The following GCLC variants were observed in gnomAD, a reference collection of about 807,000 sequenced individuals.
The protein encoded by GCLC is glutamate-cysteine ligase catalytic subunit.
In GCLC, 30 loss-of-function variants were observed where a neutral mutation model predicts 81.5. The ratio of observed to expected loss-of-function variants is 0.37; its 90% CI spans 0.28 to 0.50. The LOEUF (loss-of-function observed/expected upper bound fraction) is 0.50. GCLC is among the 20% of genes least tolerant of loss of function. GCLC has a pLI of 0.96. For missense variants in GCLC, 556 were observed against 777.4 expected (o/e 0.72, Z 3.39); for synonymous variants, 262 against 273.3 (o/e 0.96, Z 0.41).
intron 3 of GCLC, among the ~76,000 whole-genome samples, chr6:53,519,263 T>C (rs1261921659): frequency 6.6e-6 from 1 of 152,046 alleles, no homozygotes; most frequent in Non-Finnish European, 1.5e-5. Flanking sequence ...CTCAGCCTCC[T>C]AGTCACACTG....
chr6:53,515,854 G>A (rs761686907), intron 4 of GCLC, among the ~76,000 whole-genome samples: 38 of 151,990 alleles, frequency 2.5e-4, no homozygotes, highest in Non-Finnish European at 5.1e-4. Flanking sequence ...AGAGTTATTC[G>A]CAGTGGCTCA....
At chr6:53,512,769 T>G (rs1291064280) in intron 6 of GCLC, among the ~76,000 whole-genome samples, 1 of 152,230 alleles carries the variant, frequency 6.6e-6, no homozygotes, top group African/African-American at 2.4e-5. Context: ...ATACAGTGTT[T>G]CAGTGGAAAG....
chr6:53,528,652 T>A (rs1469045699), intron 1 of GCLC, among the ~76,000 whole-genome samples: 4 of 152,192 alleles, frequency 2.6e-5, no homozygotes, highest in Non-Finnish European at 5.9e-5. Flanking sequence ...ACTAAAGAAT[T>A]TCACATGATA....
intron 15 of GCLC, among the ~76,000 whole-genome samples, chr6:53,499,207 G>A (rs1181266915): frequency 6.6e-6 from 1 of 152,144 alleles, no homozygotes; most frequent in Non-Finnish European, 1.5e-5. Flanking sequence ...TATGGTACCT[G>A]TTAGATGCCA....
chr6:53,506,722 A>G lies in GCLC; in HGVS notation c.1197+191T>C. 1 of 578,832 alleles carries G rather than the reference A, an allele frequency of 1.7e-6. No homozygotes were observed. Among genetic ancestry groups the G allele is most frequent in the Non-Finnish European group, 3.1e-6 (1 of 323,106 alleles). 35.9% of individuals were successfully genotyped at this position (578,832 alleles called of 1,614,324 possible). A position where few individuals can be genotyped will look rare whatever the true frequency, so the allele number is the denominator to read the frequency against. ...CGTAAAATAAGAGTACTTGAAACCG[A>G]TTTTTTATTTGTCCAAGTTCTTTAC... is the stretch of plus-strand genomic sequence containing the variant. On this transcript the variant is annotated intron_variant, in intron 10 of 15. Transcript: ENST00000650454. The surrounding 1 kb of genome is among the most constrained non-coding windows in gnomAD (Gnocchi z 4.0).
chr6:53,508,893 C>G (rs1463075478), intron 7 of GCLC, among the ~76,000 whole-genome samples, 182 bp from the exon 8 acceptor site: 1 of 152,186 alleles, frequency 6.6e-6, no homozygotes, highest in Non-Finnish European at 1.5e-5. Context: ...GGGTTTGATT[C>G]ACTTAAATCA....
chr6:53,532,858 G>A (rs1763196188), intron 1 of GCLC, among the ~76,000 whole-genome samples: 1 of 152,142 alleles, frequency 6.6e-6, no homozygotes, highest in South Asian at 2.1e-4. Flanking sequence ...GTAGTATTGT[G>A]TGGAAATAAG....
At chr6:53,518,767 C>G (rs1268842875) in intron 3 of GCLC, among the ~76,000 whole-genome samples, 1 of 152,182 alleles carries the variant, frequency 6.6e-6, no homozygotes, top group African/African-American at 2.4e-5. Flanking sequence ...ATGTACAACC[C>G]TCTTAATGTT....
chr6:53,524,744 T>C (rs557828322), intron 1 of GCLC, among the ~76,000 whole-genome samples: 1 of 152,352 alleles, frequency 6.6e-6, no homozygotes, highest in African/African-American at 2.4e-5. Flanking sequence ...GCTTACTGAG[T>C]GCATCATTTA....
chr6:53,535,820 T>A (rs1156599298), intron 1 of GCLC, among the ~76,000 whole-genome samples: 2 of 152,180 alleles, frequency 1.3e-5, no homozygotes, highest in East Asian at 3.8e-4. Flanking sequence ...CATACCGGTG[T>A]TAACAAGAAT....
chr6:53,522,435 C>A lies in GCLC; in HGVS notation c.243G>T (p.Lys81Asn). 6.2e-7 allele frequency: 1 copy of A among 1,607,148 alleles called. No individual in the cohort carries two copies. The highest frequency in any genetic ancestry group is 8.5e-7 in the Non-Finnish European group (1 of 1,173,594). ...CTTACTTTGGGTTTGTCCTTTCCCC[C>A]TTCTCTTGCAGAGTTTCAAGAACTT... Reference protein sequence around the residue: ...GEKVLETLQEKGERTNPNHPT... With the variant: ...GEKVLETLQENGERTNPNHPT... The change falls in exon 2 of 16, where the codon AAG becomes AAT. Residue 81 changes from lysine (K) to asparagine (N), a missense_variant. This residue lies in a region of GCLC where 234 missense variants were observed against 303.8 expected (regional missense o/e 0.77). Coordinates refer to ENST00000650454, the MANE Select transcript of GCLC (RefSeq NM_001498.4).
chr6:53,541,625 G>A (rs573089018), intron 1 of GCLC, among the ~76,000 whole-genome samples: 1 of 152,082 alleles, frequency 6.6e-6, no homozygotes, highest in South Asian at 2.1e-4. Flanking sequence ...GGGGCGGTGG[G>A]GGAACAAAGG....
intron 2 of GCLC, 58 bp downstream of exon 2, chr6:53,522,357 C>G: frequency 1.0e-6 from 1 of 998,218 alleles, no homozygotes; most frequent in East Asian, 2.4e-5. Flanking sequence ...AGAAAAAACT[C>G]TATATTCTAG....
rs549238138 is a variant in GCLC at position 53,508,674 on chromosome 6, T to C, written c.866A>G (p.Tyr289Cys). 30 of 1,613,636 alleles carry C rather than the reference T, an allele frequency of 1.9e-5. No individual in the cohort carries two copies. In the African/African-American group the frequency reaches 1.9e-4, roughly 10 times the overall value. ...CCAGCGACAATCAATGTCTGACACA[T>C]AGCCTCGGTAAAAGGGAGATGCAGC... is the stretch of plus-strand genomic sequence containing the variant. ...LSAASPFYRG[Y>C]VSDIDCRWGV... is the part of the protein sequence containing the mutation. The change falls in exon 8 of 16, where the codon TAT (tyrosine) becomes TGT (cysteine). Residue 289 changes from tyrosine to cysteine, a missense_variant. Physicochemically the swap from Tyr to Cys is radical, Grantham distance 194 (BLOSUM62 -2). Coordinates refer to ENST00000650454, the MANE Select transcript of GCLC (RefSeq NM_001498.4).
Position 53,544,669 on chromosome 6 carries a change from CCT to C in GCLC, c.-26_-25del. The stretch of plus-strand genomic sequence containing the variant: ...ATGGCCGCCCCCTCCTCCTCCTCCT[CCT>C]CCTCCGGGCTGACGGCGGTCGCCCG... On this transcript the variant is annotated 5_prime_UTR_variant, in exon 1 of 16. Transcript: ENST00000650454. 1 of 1,580,434 alleles carries C rather than the reference CCT, an allele frequency of 6.3e-7. No homozygotes were observed. The highest frequency in any genetic ancestry group is 1.1e-5 in the South Asian group (1 of 89,396).
intron 4 of GCLC, 91 bp downstream of exon 4, chr6:53,516,018 T>C (rs539505809): frequency 3.7e-6 from 3 of 811,962 alleles, no homozygotes; most frequent in Admixed American, 1.9e-5. Context: ...CAGTTAATGC[T>C]CAAAAAGGAT....
Position 53,544,982 on chromosome 6 carries a change from G to GCCGCGGCGGCTC in GCLC, c.-349_-338dup, listed in dbSNP as rs1744402363. 1.1e-5 allele frequency: 2 copies of GCCGCGGCGGCTC among 189,948 alleles called. No individual in the cohort carries two copies. Among genetic ancestry groups the GCCGCGGCGGCTC allele is most frequent in the South Asian group, 3.6e-4 (2 of 5,550 alleles). 11.8% of individuals were successfully genotyped at this position (189,948 alleles called of 1,614,324 possible). ...CGGCGGCGGACCCCACGGCCGCGCT[G>GCCGCGGCGGCTC]CCGCGGCGGCTCCCGCTTCTCTTTG... On this transcript the variant is annotated 5_prime_UTR_variant, in exon 1 of 16. Transcript: ENST00000650454.
chr6:53,498,977 A>AG lies in GCLC; in HGVS notation c.1703-11dup, dbSNP rs778390891. On this transcript the variant is annotated splice_polypyrimidine_tract_variant and intron_variant, in intron 15 of 15. Coordinates refer to ENST00000650454, the MANE Select transcript of GCLC (RefSeq NM_001498.4). ...ACTGTCATTAGTTCTCCTGTGGGCG[A>AG]GGGGGGAGCGAAAAAAAAATTAAAA... 5 of 1,586,874 alleles carry AG rather than the reference A, an allele frequency of 3.2e-6. No individual in the cohort carries two copies. Among genetic ancestry groups the AG allele is most frequent in the Admixed American group, 3.3e-5 (2 of 59,838 alleles).
Position 53,507,560 on chromosome 6 carries a change from T to C in GCLC, c.1004A>G (p.Tyr335Cys), listed in dbSNP as rs957703275. ...ATATTTCTCACCACACTTAGATAAA[T>C]AGCTGTCTATTGAGTCATATCGGGA... ...SKSRYDSIDS[Y>C]LSKCGEKYND... The change falls in exon 9 of 16, where the codon TAT becomes TGT. Residue 335 changes from tyrosine to cysteine, a missense_variant. Transcript: ENST00000650454. The C allele has an allele frequency of 6.3e-7, 1 of 1,587,200 alleles. No individual in the cohort carries two copies. Among genetic ancestry groups the C allele is most frequent in the Non-Finnish European group, 8.7e-7 (1 of 1,155,688 alleles).
Sources: gnomAD v4.1 joint callset for allele counts (sites outside exome capture counted in the v4.1 genomes callset) on GRCh38, gnomAD v4.1.1 for gene constraint, gnomAD v4.1.1 regional missense constraint, Gnocchi (gnomAD v3.1) non-coding constraint, MANE v1.5 for transcripts, NCBI Gene and HGNC (gene_info 2026-07-23, HGNC 2026-07-21) for gene names.